TP53BP2: variants seen among roughly 807,000 people sequenced by gnomAD.
TP53BP2 encodes apoptosis-stimulating of p53 protein 2.
In TP53BP2, 62 loss-of-function variants were observed where a neutral mutation model predicts 126.2. The observed-to-expected ratio is 0.49, with a 90% CI of 0.40 to 0.61. The LOEUF (loss-of-function observed/expected upper bound fraction) is 0.61. Ranked by LOEUF, TP53BP2 falls within the 20% of genes least tolerant of loss-of-function variation. The pLI is 0.00. For synonymous variants in TP53BP2, 485 were observed against 502.9 expected (o/e 0.96, Z 0.48); for missense variants, 1,215 against 1,402.8 (o/e 0.87, Z 2.14).
chr1:223,808,508 T>C, intron 4 of TP53BP2, among the ~76,000 whole-genome samples: 1 of 147,844 alleles, frequency 6.8e-6, no homozygotes. Context: ...GCCACTGCAC[T>C]CCAGCCTAGG....
intron 14 of TP53BP2, among the ~76,000 whole-genome samples, chr1:223,793,081 G>T (rs1662206261): frequency 1.3e-5 from 2 of 152,038 alleles, no homozygotes; most frequent in African/African-American, 4.8e-5. Flanking sequence ...CTTTAAAACA[G>T]CATAGCCTAT....
At position 223,806,430 on chromosome 1, in the gene TP53BP2, A is replaced by G. The variant is rs552056036; in HGVS notation, c.474+416T>C. Among the ~76,000 whole-genome samples, 7 of 152,280 alleles carry G rather than the reference A, an allele frequency of 4.6e-5. No homozygotes were observed. In the East Asian group the frequency reaches 1.3e-3, roughly 29 times the overall value. ...AACAGCAGGTGGCTTTTGGGTTGAT[A>G]ATGTTACCTCATATCTGTGAGGTAA... On this transcript the variant is annotated intron_variant, in intron 5 of 17. Transcript: ENST00000343537.
intron 1 of TP53BP2, among the ~76,000 whole-genome samples, chr1:223,840,888 T>A (rs1293356265): frequency 6.6e-6 from 1 of 152,160 alleles, no homozygotes; most frequent in African/African-American, 2.4e-5. Flanking sequence ...CAGGTAAAAA[T>A]ACAGAAATTT....
chr1:223,845,598 C>G (rs531186160), intron 1 of TP53BP2, 56 bp downstream of exon 1: 10 of 1,509,386 alleles, frequency 6.6e-6, no homozygotes, highest in South Asian at 4.9e-5. Context: ...GACCAGCCCC[C>G]GGCACGCGAC....
intron 13 of TP53BP2, among the ~76,000 whole-genome samples, chr1:223,794,316 TTTTAAAAAACA>T (rs1662245917): frequency 6.6e-6 from 1 of 152,166 alleles, no homozygotes; most frequent in Non-Finnish European, 1.5e-5. Context: ...AATTGCCAAG[TTTTAAAAAACA>T]TTAAGCGACA....
chr1:223,807,464 AAAACAAG>A (rs1284410297), intron 4 of TP53BP2, among the ~76,000 whole-genome samples: 2 of 152,176 alleles, frequency 1.3e-5, no homozygotes, highest in Non-Finnish European at 2.9e-5. Flanking sequence ...CCAATGCAAT[AAAACAAG>A]AAAGAGAAAT....
chr1:223,803,534 G>A, intron 6 of TP53BP2, 82 bp from the exon 7 acceptor site: 2 of 1,359,318 alleles, frequency 1.5e-6, no homozygotes, highest in Non-Finnish European at 2.0e-6. Flanking sequence ...GCTTTACAAT[G>A]AACTTTCTAA....
Position 223,845,871 on chromosome 1 carries a change from C to G in TP53BP2, c.-191G>C. On this transcript the variant is annotated 5_prime_UTR_variant, in exon 1 of 18. Transcript: ENST00000343537. ...ACCAACAAGCCCCGGGCTCCCCCGC[C>G]CCGGCCGGGCCCCCTGACGCGGCTT... is the stretch of plus-strand genomic sequence containing the variant. 3.0e-6 allele frequency: 1 copy of G among 338,018 alleles called. No homozygotes were observed. Among genetic ancestry groups the G allele is most frequent in the Non-Finnish European group, 5.1e-6 (1 of 195,220 alleles). The allele number at this position is 338,018 out of a possible 1,614,324, so 20.9% of individuals were successfully genotyped here.
intron 13 of TP53BP2, among the ~76,000 whole-genome samples, chr1:223,795,379 ACATTT>A (rs1181364966): frequency 6.6e-6 from 1 of 152,222 alleles, no homozygotes; most frequent in Non-Finnish European, 1.5e-5. Context: ...GTTTCACCTA[ACATTT>A]CATTTTTTAA....
chr1:223,825,417 G>A (rs1663458389), intron 1 of TP53BP2, among the ~76,000 whole-genome samples: 1 of 152,090 alleles, frequency 6.6e-6, no homozygotes, highest in Non-Finnish European at 1.5e-5. Context: ...TGGACCACAC[G>A]GTGCCAAGTG....
chr1:223,787,879 AAAAT>A (rs995735652), intron 16 of TP53BP2, among the ~76,000 whole-genome samples: 19 of 151,974 alleles, frequency 1.3e-4, no homozygotes, highest in East Asian at 3.9e-4. Flanking sequence ...CCCTACCTCA[AAAAT>A]AAATAAATAA....
chr1:223,824,172 A>T (rs1663410488), intron 1 of TP53BP2, among the ~76,000 whole-genome samples: 1 of 152,242 alleles, frequency 6.6e-6, no homozygotes, highest in East Asian at 1.9e-4. Flanking sequence ...TGTCCTTTAT[A>T]GAAAGAAAAT....
intron 1 of TP53BP2, chr1:223,845,265 T>TA (rs1664226206): frequency 3.0e-6 from 3 of 984,750 alleles, no homozygotes; most frequent in Non-Finnish European, 3.6e-6. Context: ...TTCACTCCAG[T>TA]AAAAAGTAAA....
At chr1:223,837,137 T>C (rs1304434881) in intron 1 of TP53BP2, among the ~76,000 whole-genome samples, 1 of 107,276 alleles carries the variant, frequency 9.3e-6, no homozygotes, top group Non-Finnish European at 1.7e-5. Context: ...ATACTATTGT[T>C]TTAAAATTAA....
At chr1:223,794,028 A>C (rs1217554770) in intron 13 of TP53BP2, among the ~76,000 whole-genome samples, 1 of 152,220 alleles carries the variant, frequency 6.6e-6, no homozygotes, top group South Asian at 2.1e-4. Context: ...CTGCCATCTT[A>C]ACCATTTCAC....
chr1:223,826,758 TA>T (rs926308586), intron 1 of TP53BP2, among the ~76,000 whole-genome samples: 6 of 152,012 alleles, frequency 3.9e-5, no homozygotes, highest in East Asian at 1.9e-4. Flanking sequence ...TTTATGCCCT[TA>T]AAAAAAATCA....
intron 9 of TP53BP2, among the ~76,000 whole-genome samples, chr1:223,801,363 T>C (rs1662521721): frequency 6.6e-6 from 1 of 152,244 alleles, no homozygotes; most frequent in African/African-American, 2.4e-5. Flanking sequence ...TTCACAGTAG[T>C]AGTTATGGTA....
At chr1:223,800,931 A>G (rs745841353) in intron 9 of TP53BP2, 121 bp from the exon 10 acceptor site, 40 of 626,718 alleles carry the variant, frequency 6.4e-5, no homozygotes, top group Non-Finnish European at 9.4e-5. Context: ...CAACACCCCA[A>G]TAAATTTACT....
chr1:223,829,734 C>CAAAA (rs541890457), intron 1 of TP53BP2, among the ~76,000 whole-genome samples: 1 of 101,504 alleles, frequency 9.9e-6, no homozygotes, highest in Non-Finnish European at 2.1e-5. Flanking sequence ...ATAATCAGGT[C>CAAAA]AAAAAAAAAA....
Sources: gnomAD v4.1 joint callset for allele counts (sites outside exome capture counted in the v4.1 genomes callset) on GRCh38, gnomAD v4.1.1 for gene constraint, MANE v1.5 for transcripts, NCBI Gene and HGNC (gene_info 2026-07-23, HGNC 2026-07-21) for gene names.